SPRED2: variants seen among roughly 807,000 people sequenced by gnomAD.
The protein encoded by SPRED2 is sprouty-related, EVH1 domain-containing protein 2.
A neutral mutation model predicts 43.0 loss-of-function variants in SPRED2; 47 were observed. The ratio of observed to expected loss-of-function variants is 1.09; its 90% CI spans 0.87 to 1.40. The LOEUF is 1.40. Ranked by LOEUF, SPRED2 falls within the 40% of genes most tolerant of loss-of-function variation. The probability of loss-of-function intolerance (pLI) is 0.00; values close to 1 mark genes in which losing one functional copy is unlikely to be tolerated. For missense variants in SPRED2, 561 were observed against 586.4 expected (o/e 0.96, Z 0.45); for synonymous variants, 225 against 225.7 (o/e 1.00, Z 0.03).
At chr2:65,307,374 T>C (rs1422954884), downstream of SPRED2, among the ~76,000 whole-genome samples, 1 of 152,132 alleles carries the variant, frequency 6.6e-6, no homozygotes, top group Non-Finnish European at 1.5e-5. Flanking sequence ...TTTTGTATTT[T>C]TAGTAGAGAT....
chr2:65,399,436 G>A (rs543950596), intron 1 of SPRED2, among the ~76,000 whole-genome samples: 174 of 140,194 alleles, frequency 1.2e-3, no homozygotes, highest in African/African-American at 4.5e-3. Flanking sequence ...AGGCTGGAGT[G>A]CAGTGGTGCG....
At chr2:65,319,179 G>A (rs563634313) in intron 4 of SPRED2, among the ~76,000 whole-genome samples, 145 of 152,294 alleles carry the variant, frequency 9.5e-4, no homozygotes, top group African/African-American at 3.2e-3. Context: ...TCCCTCTGGA[G>A]ACCCAACCCT....
chr2:65,368,430 A>G (rs1382705838), intron 1 of SPRED2, among the ~76,000 whole-genome samples: 1 of 152,242 alleles, frequency 6.6e-6, no homozygotes, highest in Non-Finnish European at 1.5e-5. Context: ...CACACTTGAA[A>G]AGCATAATTT....
intron 1 of SPRED2, among the ~76,000 whole-genome samples, chr2:65,427,878 C>G (rs2028150): frequency 0.49 from 74,141 of 152,156 alleles, 20,284 homozygotes; most frequent in African/African-American, 0.75. Context: ...CTGGAGTGCT[C>G]CATTCCCAGC....
chr2:65,333,380 C>T (rs1314556875), intron 3 of SPRED2, among the ~76,000 whole-genome samples: 2 of 150,214 alleles, frequency 1.3e-5, no homozygotes, highest in Non-Finnish European at 3.0e-5. Context: ...GGAGAAAAAA[C>T]AACAGTCCCA....
At chr2:65,356,570 C>T (rs1306164044) in intron 1 of SPRED2, among the ~76,000 whole-genome samples, 1 of 79,774 alleles carries the variant, frequency 1.3e-5, no homozygotes, top group Non-Finnish European at 2.5e-5. Flanking sequence ...TGTGTGTGTA[C>T]CTGCTATCTA....
At chr2:65,397,592 A>G (rs1248570169) in intron 1 of SPRED2, among the ~76,000 whole-genome samples, 2 of 148,628 alleles carry the variant, frequency 1.3e-5, no homozygotes, top group East Asian at 2.0e-4. Flanking sequence ...CATTTCTACA[A>G]TCTGTTTCTA....
At chr2:65,343,300 T>C (rs969699919) in intron 2 of SPRED2, among the ~76,000 whole-genome samples, 71 of 152,256 alleles carry the variant, frequency 4.7e-4, no homozygotes, top group African/African-American at 1.6e-3. Context: ...GGGTATTTCC[T>C]GAACAAATAC....
At position 65,366,463 on chromosome 2, in the gene SPRED2, C is replaced by A; in HGVS notation, c.27-21567G>T. On this transcript the variant is annotated intron_variant, in intron 1 of 5. Coordinates refer to ENST00000356388, the MANE Select transcript of SPRED2 (RefSeq NM_181784.3). ...GGGCACACACAAATACAAACACATA[C>A]ACACTGTGGTCCTCTACAACTAGGA... The A allele has an allele frequency of 4.3e-6, 4 of 938,562 alleles. No homozygotes were observed. In the South Asian group the frequency reaches 6.5e-5, roughly 15 times the overall value. The allele number at this position is 938,562 out of a possible 1,614,324, so 58.1% of individuals were successfully genotyped here.
intron 1 of SPRED2, among the ~76,000 whole-genome samples, chr2:65,390,070 G>A (rs1345403029): frequency 6.6e-6 from 1 of 152,158 alleles, no homozygotes; most frequent in Non-Finnish European, 1.5e-5. Flanking sequence ...CCTGCAATTC[G>A]CAGAGACCAG....
At chr2:65,389,135 G>A (rs1675572787) in intron 1 of SPRED2, among the ~76,000 whole-genome samples, 1 of 152,078 alleles carries the variant, frequency 6.6e-6, no homozygotes, top group Non-Finnish European at 1.5e-5. Flanking sequence ...CTGTGCCAGT[G>A]TGAGGAATCC....
chr2:65,424,401 T>C (rs1164881181), intron 1 of SPRED2, among the ~76,000 whole-genome samples: 1 of 152,284 alleles, frequency 6.6e-6, no homozygotes, highest in South Asian at 2.1e-4. Context: ...CTTCAACCAA[T>C]TGATAACTGT....
intron 1 of SPRED2, among the ~76,000 whole-genome samples, chr2:65,401,942 C>T (rs1328652980): frequency 1.6e-4 from 20 of 121,534 alleles, no homozygotes; most frequent in South Asian, 2.6e-4. Context: ...CGCGCGCACA[C>T]ACACACACAC....
At chr2:65,423,785 T>C (rs1676493596) in intron 1 of SPRED2, among the ~76,000 whole-genome samples, 1 of 151,914 alleles carries the variant, frequency 6.6e-6, no homozygotes. Flanking sequence ...TTTTTTTTTT[T>C]TCTTTGAGAT....
At chr2:65,385,697 A>G (rs1169083281) in intron 1 of SPRED2, among the ~76,000 whole-genome samples, 2 of 152,180 alleles carry the variant, frequency 1.3e-5, no homozygotes, top group African/African-American at 4.8e-5. Context: ...TAGGATTTTC[A>G]TACCTAGAAA....
rs1165125142 is a variant in SPRED2 at position 65,314,122 on chromosome 2, C to T, written c.636G>A (p.Glu212=). Reference sequence around the variant, plus strand: ...CCCGGGGGTTGATGCGCACGATCTCCTCGTCGTCGTCCGGGAAGCTCACCT... The same window carrying T: ...CCCGGGGGTTGATGCGCACGATCTCTTCGTCGTCGTCCGGGAAGCTCACCT... The part of the protein sequence containing the change: ...YRQVSFPDDD[E]EIVRINPREK... Residue 212 remains glutamate (E), a synonymous_variant, in exon 6 of 6, where the codon GAG becomes GAA. Coordinates refer to ENST00000356388, the MANE Select transcript of SPRED2 (RefSeq NM_181784.3). 2.5e-6 allele frequency: 4 copies of T among 1,606,636 alleles called. No homozygotes were observed. The highest frequency in any genetic ancestry group is 3.4e-6 in the Non-Finnish European group (4 of 1,173,874).
chr2:65,363,641 G>A (rs978790327), intron 1 of SPRED2, among the ~76,000 whole-genome samples: 2 of 152,178 alleles, frequency 1.3e-5, no homozygotes, highest in Non-Finnish European at 2.9e-5. Context: ...GCAGGCGATA[G>A]ACAGGCCAAG....
intron 4 of SPRED2, among the ~76,000 whole-genome samples, chr2:65,321,451 C>T (rs572848147): frequency 4.3e-4 from 59 of 138,018 alleles, no homozygotes; most frequent in African/African-American, 9.0e-4. Flanking sequence ...GTAGGAGGAT[C>T]GCTTGAAGTC....
intron 1 of SPRED2, among the ~76,000 whole-genome samples, chr2:65,389,148 C>T (rs1359317225): frequency 6.6e-6 from 1 of 152,070 alleles, no homozygotes; most frequent in East Asian, 1.9e-4. Flanking sequence ...AGGAATCCAT[C>T]TGGCCAGGCC....
Sources: gnomAD v4.1 joint callset for allele counts (sites outside exome capture counted in the v4.1 genomes callset) on GRCh38, gnomAD v4.1.1 for gene constraint, MANE v1.5 for transcripts, NCBI Gene and HGNC (gene_info 2026-07-23, HGNC 2026-07-21) for gene names.